The following CEP126 variants were observed in gnomAD, a reference collection of about 807,000 sequenced individuals.
The protein encoded by CEP126 is centrosomal protein of 126 kDa.
In CEP126, 74 loss-of-function variants were observed where a neutral mutation model predicts 107.8. The ratio of observed to expected loss-of-function variants is 0.69; its 90% CI spans 0.57 to 0.83. The LOEUF (loss-of-function observed/expected upper bound fraction) is 0.83. Among genes scored for constraint, CEP126 ranks in the 40% least tolerant of loss-of-function variants. CEP126 has a pLI of 0.00. For missense variants in CEP126, 1,237 were observed against 1,281.9 expected (o/e 0.96, Z 0.53); for synonymous variants, 449 against 446.0 (o/e 1.01, Z -0.08).
intron 4 of CEP126, among the ~76,000 whole-genome samples, chr11:101,951,645 G>C (rs562170382): frequency 6.6e-6 from 1 of 152,084 alleles, no homozygotes; most frequent in East Asian, 1.9e-4. Context: ...TAAAAGAATA[G>C]ATGAGTTTGG....
chr11:101,984,874 TG>T (rs1941298032), intron 8 of CEP126, among the ~76,000 whole-genome samples: 3 of 152,226 alleles, frequency 2.0e-5, no homozygotes, highest in Admixed American at 2.0e-4. Flanking sequence ...AGTAACCATC[TG>T]GTCAAAATGT....
At chr11:101,925,943 C>T (rs564724591) in intron 2 of CEP126, among the ~76,000 whole-genome samples, 2 of 151,268 alleles carry the variant, frequency 1.3e-5, no homozygotes, top group Non-Finnish European at 2.9e-5. Flanking sequence ...GCATGAGCCA[C>T]TGTGCCCAGC....
At chr11:101,915,848 T>C (rs890791157) in intron 1 of CEP126, among the ~76,000 whole-genome samples, 2 of 152,224 alleles carry the variant, frequency 1.3e-5, no homozygotes, top group Admixed American at 6.5e-5. Context: ...CAGCCCTAAA[T>C]GCATTTACCA....
intron 3 of CEP126, among the ~76,000 whole-genome samples, chr11:101,947,311 G>A (rs1435612053): frequency 6.6e-6 from 1 of 152,154 alleles, no homozygotes; most frequent in African/African-American, 2.4e-5. Context: ...AGATAGTATA[G>A]TATATTTATA....
intron 2 of CEP126, among the ~76,000 whole-genome samples, chr11:101,934,878 T>G (rs1940552877): frequency 6.6e-6 from 1 of 152,056 alleles, no homozygotes; most frequent in African/African-American, 2.4e-5. Context: ...TAGGAAATCT[T>G]TTTGTGGATA....
At chr11:101,918,749 C>T (rs918423099) in intron 1 of CEP126, among the ~76,000 whole-genome samples, 5 of 152,068 alleles carry the variant, frequency 3.3e-5, no homozygotes, top group East Asian at 1.9e-4. Flanking sequence ...CCATGCCAGG[C>T]GTGAGAGTTA....
chr11:101,917,458 A>G (rs1355927302), intron 1 of CEP126, among the ~76,000 whole-genome samples: 1 of 152,194 alleles, frequency 6.6e-6, no homozygotes, highest in Non-Finnish European at 1.5e-5. Flanking sequence ...TCTGTTGAAG[A>G]CATTTTCTCA....
intron 8 of CEP126, 72 bp from the exon 9 acceptor site, chr11:101,986,760 A>T: frequency 9.7e-7 from 1 of 1,034,108 alleles, no homozygotes; most frequent in Non-Finnish European, 1.5e-6. Context: ...GTATAAGTAT[A>T]TGTAAGTATA....
At chr11:101,937,825 TG>T (rs1367909270) in intron 2 of CEP126, among the ~76,000 whole-genome samples, 3 of 152,104 alleles carry the variant, frequency 2.0e-5, no homozygotes, top group Non-Finnish European at 4.4e-5. Context: ...TATTTTCTTT[TG>T]TGTCGGTTTT....
chr11:101,983,084 A>G lies in CEP126; in HGVS notation c.3034+1120A>G, dbSNP rs565289051. Among the ~76,000 whole-genome samples the G allele has an allele frequency of 2.0e-4, 30 of 152,322 alleles. No homozygotes were observed. In the South Asian group the frequency reaches 6.2e-3, roughly 32 times the overall value. ...GAGACCCCACATGGGGCCAAGACCTACATGCATTACTCACTGTATTTTTTT... is the reference window on the plus strand; with the variant it reads ...GAGACCCCACATGGGGCCAAGACCTGCATGCATTACTCACTGTATTTTTTT... On this transcript the variant is annotated intron_variant, in intron 8 of 10. Transcript: ENST00000263468.
chr11:101,963,082 T>A lies in CEP126; in HGVS notation c.2047T>A (p.Ser683Thr), dbSNP rs1309535153. 6.2e-7 allele frequency: 1 copy of A among 1,614,118 alleles called. No individual in the cohort carries two copies. ...IISVSTCAVN[S>T]ADTKKSREDS... ...TAGTGTTTCTACTTGTGCTGTAAAT[T>A]CTGCTGATACAAAGAAGTCCAGGGA... The change falls in exon 6 of 11, where the codon TCT becomes ACT. Residue 683 changes from serine to threonine, a missense_variant. By Grantham distance (58) the Ser-to-Thr change is moderately conservative. Coordinates refer to ENST00000263468, the MANE Select transcript of CEP126 (RefSeq NM_020802.4).
chr11:101,939,283 T>C (rs1050869377), intron 2 of CEP126, among the ~76,000 whole-genome samples: 2 of 152,210 alleles, frequency 1.3e-5, no homozygotes, highest in South Asian at 2.1e-4. Context: ...TTTATAATTT[T>C]TGTGTCTTCC....
intron 4 of CEP126, among the ~76,000 whole-genome samples, chr11:101,957,700 T>C (rs990994480): frequency 3.3e-5 from 5 of 152,146 alleles, no homozygotes; most frequent in African/African-American, 9.7e-5. Flanking sequence ...TGACAAGCAA[T>C]TTTTATATTT....
chr11:101,922,516 C>A (rs1679287214), intron 1 of CEP126, 125 bp from the exon 2 acceptor site: 1 of 773,316 alleles, frequency 1.3e-6, no homozygotes, highest in Non-Finnish European at 2.1e-6. Context: ...TGGGCACATA[C>A]TAATTATTCC....
chr11:101,958,294 C>T lies in CEP126; in HGVS notation c.633C>T (p.Ser211=), dbSNP rs1940926970. Residue 211 remains serine, a synonymous_variant, in exon 5 of 11, where the codon AGC becomes AGT. Coordinates refer to ENST00000263468, the MANE Select transcript of CEP126 (RefSeq NM_020802.4). ...NENMRATLAT[S]KNVFQLKLEE... Reference sequence around the variant, plus strand: ...ACATGAGGGCAACCTTGGCTACTAGCAAAAATGTGTTCCAGCTTAAACTGG... The same window carrying T: ...ACATGAGGGCAACCTTGGCTACTAGTAAAAATGTGTTCCAGCTTAAACTGG... 6.2e-7 allele frequency: 1 copy of T among 1,613,952 alleles called. No homozygotes were observed. Among genetic ancestry groups the T allele is most frequent in the African/African-American group, 1.3e-5 (1 of 75,040 alleles).
At chr11:101,917,028 ATGTGTGTGTGTGTGTGTGTGTGTGTG>A (rs57573389) in intron 1 of CEP126, among the ~76,000 whole-genome samples, 8 of 135,964 alleles carry the variant, frequency 5.9e-5, no homozygotes, top group African/African-American at 1.4e-4. Context: ...AAATCCAACA[ATGTGTGTGTGTGTGTGTGTGTGTGTG>A]TGTGTGTGTG....
chr11:101,987,406 T>G (rs956802815), intron 9 of CEP126, among the ~76,000 whole-genome samples: 1 of 152,270 alleles, frequency 6.6e-6, no homozygotes, highest in Middle Eastern at 3.4e-3. Flanking sequence ...AAGACATTCT[T>G]AAGACCAATA....
intron 5 of CEP126, 50 bp downstream of exon 5, chr11:101,958,416 T>G (rs1466011922): frequency 6.5e-7 from 1 of 1,527,378 alleles, no homozygotes; most frequent in Non-Finnish European, 9.0e-7. Flanking sequence ...TGCACTAATT[T>G]TGCTCCACTT....
intron 1 of CEP126, among the ~76,000 whole-genome samples, chr11:101,919,116 G>T (rs1658210355): frequency 1.3e-5 from 2 of 152,164 alleles, no homozygotes. Flanking sequence ...AATCAGATTT[G>T]CATTTAGCTG....
Sources: allele counts gnomAD v4.1 joint callset (sites outside exome capture counted in the v4.1 genomes callset), GRCh38; gene constraint gnomAD v4.1.1; transcripts MANE v1.5; gene names NCBI Gene and HGNC (gene_info 2026-07-23, HGNC 2026-07-21).